The following CLIP1 variants were observed in gnomAD, a reference collection of about 807,000 sequenced individuals.
CLIP1 encodes the protein CAP-Gly domain containing linker protein 1.
A neutral mutation model predicts 161.6 loss-of-function variants in CLIP1; 66 were observed. The ratio of observed to expected loss-of-function variants is 0.41; its 90% CI spans 0.33 to 0.50. The LOEUF is 0.50. Among genes scored for constraint, CLIP1 ranks in the 20% least tolerant of loss-of-function variants. The pLI is 0.27. For synonymous variants in CLIP1, 598 were observed against 626.2 expected (o/e 0.96, Z 0.67); for missense variants, 1,376 against 1,702.0 (o/e 0.81, Z 3.37).
intron 1 of CLIP1, among the ~76,000 whole-genome samples, chr12:122,419,192 G>A (rs1322336928): frequency 6.6e-6 from 1 of 152,104 alleles, no homozygotes; most frequent in East Asian, 1.9e-4. Flanking sequence ...CCAACATGGT[G>A]AAACCCCAGC....
chr12:122,299,960 G>T (rs1344749461), intron 20 of CLIP1, among the ~76,000 whole-genome samples: 2 of 149,556 alleles, frequency 1.3e-5, no homozygotes, highest in African/African-American at 4.9e-5. Flanking sequence ...CTTCCACTTA[G>T]AAATAACCAC....
At chr12:122,278,032 T>C in intron 24 of CLIP1, 122 bp downstream of exon 24, 1 of 806,274 alleles carries the variant, frequency 1.2e-6, no homozygotes, top group East Asian at 2.4e-5. Flanking sequence ...ACTAGAGGAA[T>C]GCATTACCAA....
intron 20 of CLIP1, among the ~76,000 whole-genome samples, chr12:122,289,874 T>C (rs1956029068): frequency 6.6e-6 from 1 of 151,570 alleles, no homozygotes; most frequent in Non-Finnish European, 1.5e-5. Flanking sequence ...AGTGGTGCAA[T>C]CTCGGCTCAC....
intron 3 of CLIP1, among the ~76,000 whole-genome samples, chr12:122,376,229 G>A (rs1042618582): frequency 2.0e-5 from 3 of 151,938 alleles, no homozygotes; most frequent in Middle Eastern, 3.4e-3. Context: ...GAGCCACCCC[G>A]CCCGGCCAAT....
Position 122,375,772 on chromosome 12 carries a change from G to A in CLIP1, c.657+1617C>T, listed in dbSNP as rs116892184. Among the ~76,000 whole-genome samples the A allele has an allele frequency of 2.9e-3, 438 of 149,684 alleles. 3 individuals carry two copies. Among genetic ancestry groups the A allele is most frequent in the Non-Finnish European group, 5.4e-3 (367 of 67,680 alleles). On this transcript the variant is annotated intron_variant, in intron 3 of 25. Coordinates refer to ENST00000620786, the MANE Select transcript of CLIP1 (RefSeq NM_001247997.2). ...ATCCAATTTTTATAAACACATCTAA[G>A]TTCACTTCTGAGCTTATTTTGTCAA...
At chr12:122,353,257 G>A (rs1953137676) in intron 7 of CLIP1, among the ~76,000 whole-genome samples, 1 of 152,160 alleles carries the variant, frequency 6.6e-6, no homozygotes, top group East Asian at 1.9e-4. Flanking sequence ...TGGGAGGATT[G>A]CTTGAGCCCA....
rs372243937 is a variant in CLIP1 at position 122,273,888 on chromosome 12, C to T, written c.4091+150G>A. On this transcript the variant is annotated intron_variant, in intron 25 of 25. Transcript: ENST00000620786. ...CTGGGATTACAGGCATGCAACACTA[C>T]GCCTGGCTAACTTTTGTATTTTTAG... 626 of 574,772 alleles carry T rather than the reference C, an allele frequency of 1.1e-3. 4 individuals carry two copies. The highest frequency in any genetic ancestry group is 9.5e-3 in the African/African-American group (502 of 52,942). The allele number at this position is 574,772 out of a possible 1,614,324, so 35.6% of individuals were successfully genotyped here. A position where few individuals can be genotyped will look rare whatever the true frequency, so the allele number is the denominator to read the frequency against.
intron 17 of CLIP1, among the ~76,000 whole-genome samples, chr12:122,320,844 G>C (rs1951471267): frequency 1.3e-5 from 2 of 151,250 alleles, no homozygotes; most frequent in South Asian, 2.1e-4. Flanking sequence ...TGAGTAGCTG[G>C]AACTACAGGC....
At chr12:122,391,504 T>C (rs1955661252) in intron 1 of CLIP1, among the ~76,000 whole-genome samples, 1 of 152,174 alleles carries the variant, frequency 6.6e-6, no homozygotes. Context: ...GAAAATCGCT[T>C]GAACCCAGGA....
chr12:122,277,375 A>T, intron 24 of CLIP1: 1 of 144,512 alleles, frequency 6.9e-6, no homozygotes, highest in Non-Finnish European at 1.5e-5. Context: ...TGTAGAGATG[A>T]GGTCTCGCTA....
chr12:122,277,827 T>C (rs1955491168), intron 24 of CLIP1: 1 of 241,180 alleles, frequency 4.1e-6, no homozygotes, highest in African/African-American at 2.3e-5. Context: ...TATGCCATTA[T>C]TTATGTTAAA....
chr12:122,387,027 AC>A (rs1303472709), intron 1 of CLIP1, among the ~76,000 whole-genome samples: 4 of 152,072 alleles, frequency 2.6e-5, no homozygotes, highest in African/African-American at 9.7e-5. Context: ...TGTATCTAGT[AC>A]TACAGGTACA....
chr12:122,351,697 T>C (rs1383680247), intron 8 of CLIP1, among the ~76,000 whole-genome samples: 1 of 152,198 alleles, frequency 6.6e-6, no homozygotes, highest in East Asian at 1.9e-4. Context: ...TAAAATATTG[T>C]AGATTAAAGA....
chr12:122,273,134 A>G (rs1955241912), intron 25 of CLIP1, 34 bp from the exon 26 acceptor site: 1 of 1,579,274 alleles, frequency 6.3e-7, no homozygotes, highest in South Asian at 1.1e-5. Context: ...CAGAAAATTT[A>G]TCAGAAGAAA....
intron 9 of CLIP1, among the ~76,000 whole-genome samples, chr12:122,348,521 C>T (rs1952857768): frequency 6.6e-6 from 1 of 152,170 alleles, no homozygotes. Flanking sequence ...ACTCTGCTCT[C>T]CCCACCATTA....
chr12:122,341,489 G>A lies in CLIP1; in HGVS notation c.1715C>T (p.Ser572Phe). 6.2e-7 allele frequency: 1 copy of A among 1,613,734 alleles called. No individual in the cohort carries two copies. Among genetic ancestry groups the A allele is most frequent in the East Asian group, 2.2e-5 (1 of 44,874 alleles). The change falls in exon 11 of 26, where the codon TCT becomes TTT. Residue 572 changes from serine to phenylalanine, a missense_variant. Ser to Phe is a radical substitution (Grantham distance 155). Around this residue, in one of 6 missense-constraint regions of CLIP1, gnomAD observed 948 missense variants for 1,134.8 expected, o/e 0.84. Coordinates refer to ENST00000620786, the MANE Select transcript of CLIP1 (RefSeq NM_001247997.2). ...CCGGGCTCCAAAATGCTCCTTCAGA[G>A]AAGTTATTTCTCTCTGGTGGTCAGT... ...TRTDHQREIT[S>F]LKEHFGAREE...
At position 122,272,884 on chromosome 12, in the gene CLIP1, T is replaced by C. The variant is rs1447499611; in HGVS notation, c.4308A>G (p.Glu1436=). The C allele has an allele frequency of 6.2e-7, 1 of 1,614,204 alleles. No homozygotes were observed. Among genetic ancestry groups the C allele is most frequent in the Non-Finnish European group, 8.5e-7 (1 of 1,180,014 alleles). Reference sequence around the variant, plus strand: ...TCCACTGGAGGCTTCATCAGAAGGTTTCGTCGTCATTGCAGTTGGTGGCCC... The same window carrying C: ...TCCACTGGAGGCTTCATCAGAAGGTCTCGTCGTCATTGCAGTTGGTGGCCC... ...GHWATNCNDD[E]TF is the part of the protein sequence containing the mutation. Residue 1436 remains glutamate, a synonymous_variant, in exon 26 of 26, where the codon GAA becomes GAG. Transcript: ENST00000620786.
intron 4 of CLIP1, 110 bp from the exon 5 acceptor site, chr12:122,361,291 T>A (rs753267344): frequency 9.0e-5 from 82 of 914,252 alleles, no homozygotes; most frequent in Non-Finnish European, 1.3e-4. Flanking sequence ...TCCTGGAAAT[T>A]CTACAGCTAA....
intron 15 of CLIP1, among the ~76,000 whole-genome samples, chr12:122,331,163 C>T (rs1032703741): frequency 5.9e-5 from 9 of 151,906 alleles, no homozygotes; most frequent in Admixed American, 4.6e-4. Context: ...TACAGGAATG[C>T]GCCACCATAC....
Sources: allele counts gnomAD v4.1 joint callset (sites outside exome capture counted in the v4.1 genomes callset), GRCh38; gene constraint gnomAD v4.1.1; regional missense constraint gnomAD v4.1.1; transcripts MANE v1.5; gene names NCBI Gene and HGNC (gene_info 2026-07-23, HGNC 2026-07-21).